CTIF: variants seen among roughly 807,000 people sequenced by gnomAD.
CTIF encodes the protein CBP80/20-dependent translation initiation factor.
CTIF carries 21 observed loss-of-function variants against 66.0 expected under a neutral mutation model. The ratio of observed to expected loss-of-function variants is 0.32; its 90% CI spans 0.23 to 0.46. The LOEUF (loss-of-function observed/expected upper bound fraction) is 0.46. CTIF is among the 20% of genes least tolerant of loss of function. The probability of loss-of-function intolerance (pLI) is 1.00; values close to 1 mark genes in which losing one functional copy is unlikely to be tolerated. For missense variants in CTIF, 739 were observed against 812.7 expected (o/e 0.91, Z 1.10); for synonymous variants, 345 against 326.4 (o/e 1.06, Z -0.62).
intron 10 of CTIF, among the ~76,000 whole-genome samples, chr18:48,843,529 G>A (rs530227480): frequency 1.3e-5 from 2 of 152,190 alleles, no homozygotes; most frequent in African/African-American, 4.8e-5. Flanking sequence ...CCAGCCCCTA[G>A]ATGGCCCTGA....
intron 10 of CTIF, among the ~76,000 whole-genome samples, chr18:48,851,312 C>T (rs1183095069): frequency 6.6e-6 from 1 of 152,334 alleles, no homozygotes; most frequent in South Asian, 2.1e-4. Context: ...TGGAACCGCT[C>T]TGCAGGCCCA....
intron 6 of CTIF, among the ~76,000 whole-genome samples, chr18:48,679,698 A>G (rs1322939635): frequency 6.6e-6 from 1 of 152,116 alleles, no homozygotes; most frequent in Non-Finnish European, 1.5e-5. Context: ...CACCTCCTGC[A>G]TGAAACTATT....
At chr18:48,568,763 C>T (rs2089342841) in intron 1 of CTIF, among the ~76,000 whole-genome samples, 2 of 150,670 alleles carry the variant, frequency 1.3e-5, no homozygotes, top group South Asian at 2.1e-4. Flanking sequence ...TACATGGCGG[C>T]AGGCAAAAGA....
Position 48,731,793 on chromosome 18 carries a change from G to A in CTIF, c.584+20098G>A, listed in dbSNP as rs184292764. Among the ~76,000 whole-genome samples, 872 of 152,280 alleles carry A rather than the reference G, an allele frequency of 5.7e-3. 9 individuals are homozygous for A. The highest frequency in any genetic ancestry group is 0.016 in the African/African-American group (646 of 41,554). ...CTGCTTTTTATGGGACACCTCCTAGGCTGTGCATTCTATCTGGATTAGGGG... is the reference window on the plus strand; with the variant it reads ...CTGCTTTTTATGGGACACCTCCTAGACTGTGCATTCTATCTGGATTAGGGG... On this transcript the variant is annotated intron_variant, in intron 7 of 11. Transcript: ENST00000256413.
At chr18:48,834,645 T>G (rs1304945732) in intron 10 of CTIF, 1 of 152,676 alleles carries the variant, frequency 6.5e-6, no homozygotes, top group African/African-American at 2.4e-5. Context: ...AGTCTGACCT[T>G]CACCCTATTT....
intron 1 of CTIF, among the ~76,000 whole-genome samples, chr18:48,582,689 A>G (rs924641828): frequency 6.6e-5 from 10 of 152,118 alleles, no homozygotes; most frequent in Non-Finnish European, 1.5e-4. Flanking sequence ...CGGTAGTAGT[A>G]GTGGTGGTGG....
At chr18:48,633,701 C>A (rs2090762082) in intron 2 of CTIF, among the ~76,000 whole-genome samples, 1 of 145,926 alleles carries the variant, frequency 6.9e-6, no homozygotes, top group African/African-American at 2.6e-5. Context: ...GCCTCCATCT[C>A]AATAAATAAA....
chr18:48,803,781 G>T (rs982069047), intron 9 of CTIF, among the ~76,000 whole-genome samples: 1 of 152,198 alleles, frequency 6.6e-6, no homozygotes, highest in Admixed American at 6.5e-5. Flanking sequence ...GGGAGGGGGG[G>T]CTCTGTCTTC....
intron 6 of CTIF, among the ~76,000 whole-genome samples, chr18:48,678,217 C>T (rs2091668728): frequency 6.6e-6 from 1 of 152,196 alleles, no homozygotes; most frequent in Admixed American, 6.5e-5. Flanking sequence ...TTTCTCTCTA[C>T]TGCTGAAGGC....
chr18:48,655,854 A>C (rs1030847855), intron 3 of CTIF, among the ~76,000 whole-genome samples: 1 of 152,228 alleles, frequency 6.6e-6, no homozygotes, highest in Non-Finnish European at 1.5e-5. Context: ...TAGTTTCTAA[A>C]CACTCACAGC....
At position 48,859,580 on chromosome 18, in the gene CTIF, C is replaced by A. The variant is rs766673417; in HGVS notation, c.*21C>A. 6.2e-7 allele frequency: 1 copy of A among 1,610,336 alleles called. No individual in the cohort carries two copies. The highest frequency in any genetic ancestry group is 2.2e-5 in the East Asian group (1 of 44,864). On this transcript the variant is annotated 3_prime_UTR_variant, in exon 12 of 12. Transcript: ENST00000256413. Reference sequence around the variant, plus strand: ...CCTGACAGCCAGGGGGCCTGGCAGGCGGCCCACGGGCAGCTGGGGCCCTGG... The same window carrying A: ...CCTGACAGCCAGGGGGCCTGGCAGGAGGCCCACGGGCAGCTGGGGCCCTGG...
intron 9 of CTIF, among the ~76,000 whole-genome samples, chr18:48,793,252 G>A (rs1353837352): frequency 1.3e-5 from 2 of 152,210 alleles, no homozygotes; most frequent in African/African-American, 4.8e-5. Flanking sequence ...CTGCCAGGGA[G>A]AAGCAGGGAG....
intron 3 of CTIF, among the ~76,000 whole-genome samples, chr18:48,645,754 C>A (rs1170785380): frequency 1.3e-5 from 2 of 152,090 alleles, no homozygotes; most frequent in Non-Finnish European, 2.9e-5. Flanking sequence ...GCCAGCCCCA[C>A]TGCATGTCAG....
chr18:48,803,278 G>A (rs950026531), intron 9 of CTIF, among the ~76,000 whole-genome samples: 1 of 152,236 alleles, frequency 6.6e-6, no homozygotes, highest in Non-Finnish European at 1.5e-5. Context: ...GCCAACTGCT[G>A]GGGAGAAAGC....
At chr18:48,715,802 C>T (rs1271816694) in intron 7 of CTIF, among the ~76,000 whole-genome samples, 6 of 152,168 alleles carry the variant, frequency 3.9e-5, no homozygotes, top group Non-Finnish European at 7.3e-5. Flanking sequence ...GGTAGAAGAT[C>T]AAAAGAGGAA....
intron 7 of CTIF, among the ~76,000 whole-genome samples, chr18:48,721,252 C>T (rs2092332229): frequency 1.3e-5 from 2 of 152,206 alleles, no homozygotes; most frequent in Non-Finnish European, 2.9e-5. Context: ...TAGTTACCTG[C>T]AGGACAGGAG....
chr18:48,704,517 C>T (rs979301268), intron 6 of CTIF, among the ~76,000 whole-genome samples: 2 of 152,126 alleles, frequency 1.3e-5, no homozygotes, highest in Admixed American at 6.5e-5. Context: ...TGACTTAGAA[C>T]GGAAACTTCT....
At chr18:48,775,722 G>C (rs1005491936) in intron 9 of CTIF, among the ~76,000 whole-genome samples, 3 of 152,254 alleles carry the variant, frequency 2.0e-5, no homozygotes, top group Non-Finnish European at 4.4e-5. Context: ...GTTGAGGAAG[G>C]CTTCCTGGAG....
chr18:48,788,525 C>T (rs1568219122), intron 9 of CTIF, among the ~76,000 whole-genome samples: 1 of 113,862 alleles, frequency 8.8e-6, no homozygotes, highest in Non-Finnish European at 1.9e-5. Flanking sequence ...TATCCCAGGG[C>T]CACACCACCT....
Sources: gnomAD v4.1 joint callset for allele counts (sites outside exome capture counted in the v4.1 genomes callset) on GRCh38, gnomAD v4.1.1 for gene constraint, MANE v1.5 for transcripts, NCBI Gene and HGNC (gene_info 2026-07-23, HGNC 2026-07-21) for gene names.